Variants in SLC25A26 observed in about 807,000 individuals in gnomAD.
SLC25A26 encodes solute carrier family 25 member 26, also known as mitochondrial S-adenosylmethionine carrier protein.
A neutral mutation model predicts 37.8 loss-of-function variants in SLC25A26; 36 were observed. The observed-to-expected ratio is 0.95, with a 90% CI of 0.73 to 1.26. The LOEUF (loss-of-function observed/expected upper bound fraction) is 1.26. Among genes scored for constraint, SLC25A26 ranks in the 50% most tolerant of loss-of-function variants. SLC25A26 has a pLI of 0.00. For synonymous variants in SLC25A26, 129 were observed against 122.5 expected (o/e 1.05, Z -0.35); for missense variants, 390 against 331.1 (o/e 1.18, Z -1.38).
chr3:66,187,132 T>A (rs1271414430), intron 1 of SLC25A26, among the ~76,000 whole-genome samples: 1 of 151,562 alleles, frequency 6.6e-6, no homozygotes, highest in Non-Finnish European at 1.5e-5. Context: ...AACCAGATAC[T>A]TTTCTGACCT....
At chr3:66,210,182 C>G (rs1026571735) in intron 1 of SLC25A26, among the ~76,000 whole-genome samples, 1 of 151,140 alleles carries the variant, frequency 6.6e-6, no homozygotes. Flanking sequence ...ACTGAGTATT[C>G]GGTGGCAAAC....
chr3:66,232,058 G>A (rs2072059619), intron 1 of SLC25A26, among the ~76,000 whole-genome samples: 1 of 152,180 alleles, frequency 6.6e-6, no homozygotes, highest in Non-Finnish European at 1.5e-5. Context: ...CAGAAATGCT[G>A]TAGTAGACAT....
intron 1 of SLC25A26, among the ~76,000 whole-genome samples, chr3:66,157,116 C>T (rs2070294589): frequency 6.6e-6 from 1 of 152,038 alleles, no homozygotes; most frequent in Admixed American, 6.6e-5. Flanking sequence ...ACAACTGCCG[C>T]CCCAGCTGCT....
chr3:66,374,088 G>A (rs1473049882), intron 9 of SLC25A26, among the ~76,000 whole-genome samples: 1 of 152,144 alleles, frequency 6.6e-6, no homozygotes, highest in East Asian at 1.9e-4. Flanking sequence ...GACCTGACCA[G>A]AAGTCTTTTC....
chr3:66,201,794 T>C (rs961089795), intron 1 of SLC25A26, among the ~76,000 whole-genome samples: 5 of 152,176 alleles, frequency 3.3e-5, no homozygotes, highest in Non-Finnish European at 1.5e-5. Flanking sequence ...ATCAACAAAA[T>C]AAATGACTAT....
rs1322226327 is a variant in SLC25A26 at position 66,208,158 on chromosome 3, A to C, written c.-353-12584A>C. ...AATCATTCTCTCTTAAGCTTTACTA[A>C]AATAAAAATCTAGATTTTTTTTAAA... is the stretch of plus-strand genomic sequence containing the variant. On this transcript the variant is annotated intron_variant, in intron 1 of 10. Coordinates refer to the SLC25A26 transcript ENST00000676754. Among the ~76,000 whole-genome samples, 5 of 152,176 alleles carry C rather than the reference A, an allele frequency of 3.3e-5. No individual in the cohort carries two copies. The East Asian group carries it at 9.6e-4, about 29-fold the overall frequency.
Position 66,344,462 on chromosome 3 carries a change from C to CA in SLC25A26, c.454-1890dup, listed in dbSNP as rs879443868. ...TGACCGACAAAGCAAGACTCTGTCTCAAAAAAAAAAAAGACATAACAATGC... is the reference window on the plus strand; with the variant it reads ...TGACCGACAAAGCAAGACTCTGTCTCAAAAAAAAAAAAAGACATAACAATGC... On this transcript the variant is annotated intron_variant, in intron 5 of 9. Coordinates refer to ENST00000354883, the MANE Select transcript of SLC25A26 (RefSeq NM_001379210.1). Among the ~76,000 whole-genome samples, 301 of 135,170 alleles carry CA rather than the reference C, an allele frequency of 2.2e-3. 1 individual carries two copies. The highest frequency in any genetic ancestry group is 3.0e-3 in the South Asian group (13 of 4,326). 88.7% of individuals were successfully genotyped at this position (135,170 alleles called of 152,430 possible). A position where few individuals can be genotyped will look rare whatever the true frequency, so the allele number is the denominator to read the frequency against.
chr3:66,161,150 GGTT>G (rs1030761895), intron 1 of SLC25A26, among the ~76,000 whole-genome samples: 1 of 150,154 alleles, frequency 6.7e-6, no homozygotes, highest in Non-Finnish European at 1.5e-5. Context: ...TCAATTTTTC[GGTT>G]GTTGTTGTAA....
intron 1 of SLC25A26, among the ~76,000 whole-genome samples, chr3:66,156,201 A>C (rs2070280751): frequency 6.6e-6 from 1 of 152,186 alleles, no homozygotes; most frequent in African/African-American, 2.4e-5. Flanking sequence ...AGTGCTGAGC[A>C]CTGGGGTACC....
At chr3:66,176,400 G>A (rs2070587377) in intron 1 of SLC25A26, among the ~76,000 whole-genome samples, 1 of 152,176 alleles carries the variant, frequency 6.6e-6, no homozygotes, top group East Asian at 1.9e-4. Flanking sequence ...TGTGTGGATG[G>A]TGGCATCCTT....
At chr3:66,243,451 A>G in intron 3 of SLC25A26, 139 bp downstream of exon 3, 1 of 521,278 alleles carries the variant, frequency 1.9e-6, no homozygotes, top group Non-Finnish European at 3.4e-6. Context: ...AATGGATTAA[A>G]TATGACAGTT....
At chr3:66,282,733 G>T (rs1446056159) in intron 5 of SLC25A26, among the ~76,000 whole-genome samples, 1 of 152,076 alleles carries the variant, frequency 6.6e-6, no homozygotes, top group Non-Finnish European at 1.5e-5. Flanking sequence ...ACTTCTTTCC[G>T]GTGTTCAGTG....
intron 1 of SLC25A26, among the ~76,000 whole-genome samples, chr3:66,198,498 C>T (rs908903560): frequency 9.9e-5 from 15 of 152,000 alleles, no homozygotes; most frequent in Non-Finnish European, 1.8e-4. Context: ...TGCTGTCCAT[C>T]CTGACCCTGC....
intron 1 of SLC25A26, among the ~76,000 whole-genome samples, chr3:66,234,610 T>A (rs1363841494): frequency 6.6e-6 from 1 of 152,246 alleles, no homozygotes; most frequent in Middle Eastern, 3.2e-3. Flanking sequence ...TAACCTGTGC[T>A]AGTTAATTTG....
At chr3:66,209,929 T>C (rs2071260818) in intron 1 of SLC25A26, among the ~76,000 whole-genome samples, 3 of 75,988 alleles carry the variant, frequency 3.9e-5, no homozygotes, top group African/African-American at 1.2e-4. Context: ...TATATATATA[T>C]ATATATATAT....
At chr3:66,172,341 G>T (rs1461162738) in intron 1 of SLC25A26, among the ~76,000 whole-genome samples, 2 of 146,724 alleles carry the variant, frequency 1.4e-5, no homozygotes, top group African/African-American at 2.5e-5. Context: ...GGCCCAGGAG[G>T]CTGAGGCTGC....
chr3:66,336,960 T>C (rs1045666463), intron 5 of SLC25A26, among the ~76,000 whole-genome samples: 2 of 152,160 alleles, frequency 1.3e-5, no homozygotes, highest in Non-Finnish European at 2.9e-5. Flanking sequence ...GTATCTACTG[T>C]GACATCGTAT....
At chr3:66,343,494 G>T (rs1052882219) in intron 5 of SLC25A26, among the ~76,000 whole-genome samples, 1 of 152,160 alleles carries the variant, frequency 6.6e-6, no homozygotes, top group Non-Finnish European at 1.5e-5. Flanking sequence ...GAATAGTATG[G>T]CCATTCCAAA....
chr3:66,300,117 T>C (rs1048781951), intron 5 of SLC25A26, among the ~76,000 whole-genome samples: 2 of 152,204 alleles, frequency 1.3e-5, no homozygotes, highest in African/African-American at 4.8e-5. Flanking sequence ...AAAATGCCCG[T>C]GTAAAAGGGT....
Sources: gnomAD v4.1 joint callset for allele counts (sites outside exome capture counted in the v4.1 genomes callset) on GRCh38, gnomAD v4.1.1 for gene constraint, MANE v1.5 for transcripts, NCBI Gene and HGNC (gene_info 2026-07-23, HGNC 2026-07-21) for gene names.